Variants in MDN1 observed in about 807,000 individuals in gnomAD.
MDN1 encodes midasin AAA ATPase 1, also known as midasin.
Under a neutral mutation model 669.2 loss-of-function variants are expected in MDN1, and 266 were observed. The observed-to-expected ratio is 0.40, with a 90% CI of 0.36 to 0.44. The LOEUF is 0.44. Among genes scored for constraint, MDN1 ranks in the 20% least tolerant of loss-of-function variants. The pLI is 1.00. For missense variants in MDN1, 5,940 were observed against 6,754.0 expected (o/e 0.88, Z 4.22); for synonymous variants, 2,385 against 2,457.1 (o/e 0.97, Z 0.87).
intron 30 of MDN1, 95 bp downstream of exon 30, chr6:89,743,481 C>A: frequency 6.8e-7 from 1 of 1,469,060 alleles, no homozygotes; most frequent in Non-Finnish European, 9.2e-7. Context: ...CACATTTAAC[C>A]AAACCAGAAC....
chr6:89,668,224 C>A lies in MDN1; in HGVS notation c.13957-73G>T, dbSNP rs1289177740. The stretch of plus-strand genomic sequence containing the variant: ...TTAAAAGGAGATTTCATTCTTGCCA[C>A]AGGAAAACAATTTAAACACATACTG... On this transcript the variant is annotated intron_variant, in intron 83 of 101. Coordinates refer to ENST00000369393, the MANE Select transcript of MDN1 (RefSeq NM_014611.3). 5 of 1,568,940 alleles carry A rather than the reference C, an allele frequency of 3.2e-6. No homozygotes were observed. In the African/African-American group the frequency reaches 6.8e-5, roughly 21 times the overall value.
At chr6:89,668,201 A>G in intron 83 of MDN1, 50 bp from the exon 84 acceptor site, 8 of 1,603,412 alleles carry the variant, frequency 5.0e-6, no homozygotes, top group South Asian at 1.1e-5. Flanking sequence ...AAGCAATTTT[A>G]AAAGGAGATT....
At chr6:89,654,755 G>T (rs1192784408) in intron 92 of MDN1, among the ~76,000 whole-genome samples, 2 of 152,132 alleles carry the variant, frequency 1.3e-5, no homozygotes, top group African/African-American at 4.8e-5. Context: ...ACAAAGAAAT[G>T]ATAAATGTTT....
chr6:89,643,844 CA>C lies in MDN1; in HGVS notation c.*160del. ...TTTGGTATAAAAACCTCAGCCCAGG[CA>C]AAGCCGGGAGCCAGAGAGCATTCTG... On this transcript the variant is annotated 3_prime_UTR_variant, in exon 102 of 102. Coordinates refer to ENST00000369393, the MANE Select transcript of MDN1 (RefSeq NM_014611.3). 1 of 616,306 alleles carries C rather than the reference CA, an allele frequency of 1.6e-6. No individual in the cohort carries two copies. Among genetic ancestry groups the C allele is most frequent in the South Asian group, 3.4e-5 (1 of 29,498 alleles). 38.2% of individuals were successfully genotyped at this position (616,306 alleles called of 1,614,324 possible).
intron 2 of MDN1, among the ~76,000 whole-genome samples, chr6:89,801,858 AG>A (rs1767688816): frequency 6.6e-6 from 1 of 151,490 alleles, no homozygotes; most frequent in Non-Finnish European, 1.5e-5. Flanking sequence ...GCTACTCAGG[AG>A]GCTAAGGCAT....
At chr6:89,817,627 T>G (rs1420394211) in intron 1 of MDN1, among the ~76,000 whole-genome samples, 1 of 152,096 alleles carries the variant, frequency 6.6e-6, no homozygotes, top group African/African-American at 2.4e-5. Flanking sequence ...GCAAAGTCAA[T>G]GAGGCAAGTA....
At chr6:89,764,919 G>A (rs1817734484) in intron 15 of MDN1, among the ~76,000 whole-genome samples, 1 of 152,164 alleles carries the variant, frequency 6.6e-6, no homozygotes, top group African/African-American at 2.4e-5. Flanking sequence ...GGAAGAGAGT[G>A]AGACCAGACT....
chr6:89,753,545 A>G lies in MDN1; in HGVS notation c.3042T>C (p.Ile1014=). 6.2e-7 allele frequency: 1 copy of G among 1,613,346 alleles called. No individual in the cohort carries two copies. Among genetic ancestry groups the G allele is most frequent in the Non-Finnish European group, 8.5e-7 (1 of 1,179,292 alleles). The part of the protein sequence containing the change: ...PIVQKLICQH[I]VPGNVKSLLK... ...GCAGACTCTTGACATTGCCAGGGAC[A>G]ATGTGTTGACAGATGAGCTTCTGAA... The change falls in exon 22 of 102, where the codon ATT becomes ATC. Residue 1014 remains isoleucine, a synonymous_variant. Transcript: ENST00000369393.
intron 17 of MDN1, among the ~76,000 whole-genome samples, chr6:89,760,094 T>G (rs1465560978): frequency 1.3e-5 from 2 of 151,582 alleles, no homozygotes; most frequent in African/African-American, 4.8e-5. Context: ...TAATAATAAT[T>G]CTGATGACCA....
chr6:89,774,222 A>G (rs1166843305), intron 13 of MDN1, among the ~76,000 whole-genome samples: 1 of 152,230 alleles, frequency 6.6e-6, no homozygotes, highest in East Asian at 1.9e-4. Context: ...GAAAATATGT[A>G]AAGCACTTAG....
chr6:89,760,589 A>G lies in MDN1; in HGVS notation c.2460+1056T>C, dbSNP rs140208545. Among the ~76,000 whole-genome samples the G allele has an allele frequency of 8.0e-3, 1,220 of 152,158 alleles. 14 individuals carry two copies. The highest frequency in any genetic ancestry group is 0.014 in the Non-Finnish European group (918 of 67,986). On this transcript the variant is annotated intron_variant, in intron 17 of 101. Coordinates refer to ENST00000369393, the MANE Select transcript of MDN1 (RefSeq NM_014611.3). ...ATAGAATCAACCTATGTCTCCATCA[A>G]CAGATGAATAAAGAAAATGTTGTAT...
intron 21 of MDN1, 75 bp downstream of exon 21, chr6:89,754,008 T>C (rs1584320426): frequency 2.7e-6 from 4 of 1,476,204 alleles, no homozygotes; most frequent in East Asian, 2.4e-5. Context: ...CAACCTGGCA[T>C]ATGCATCCCT....
intron 27 of MDN1, among the ~76,000 whole-genome samples, chr6:89,746,077 T>G (rs541203229): frequency 1.1e-4 from 16 of 152,282 alleles, no homozygotes. Context: ...AAGTACATAC[T>G]GCATGGTGTC....
At chr6:89,724,560 G>A (rs1001366155) in intron 38 of MDN1, among the ~76,000 whole-genome samples, 1 of 152,222 alleles carries the variant, frequency 6.6e-6, no homozygotes, top group Non-Finnish European at 1.5e-5. Flanking sequence ...TGGGATTACA[G>A]GCATGATCCA....
At chr6:89,784,942 A>T in intron 9 of MDN1, 70 bp downstream of exon 9, 1 of 1,009,208 alleles carries the variant, frequency 9.9e-7, no homozygotes, top group Non-Finnish European at 1.5e-6. Flanking sequence ...GTGGTTTATT[A>T]TACTATTTCC....
At chr6:89,664,449 T>C in intron 85 of MDN1, 38 bp downstream of exon 85, 3 of 1,606,892 alleles carry the variant, frequency 1.9e-6, no homozygotes, top group Non-Finnish European at 2.5e-6. Context: ...ATATTTATGC[T>C]TTCAAAAACA....
intron 75 of MDN1, among the ~76,000 whole-genome samples, chr6:89,678,182 G>A (rs1304312894): frequency 6.6e-6 from 1 of 152,142 alleles, no homozygotes; most frequent in Non-Finnish European, 1.5e-5. Flanking sequence ...TGAGGCAGGA[G>A]AATCGCTTGA....
chr6:89,738,744 T>C (rs1415731923), intron 32 of MDN1, among the ~76,000 whole-genome samples: 2 of 152,162 alleles, frequency 1.3e-5, no homozygotes, highest in Non-Finnish European at 2.9e-5. Flanking sequence ...ATCTGAACTC[T>C]TCCCCTCAGG....
rs151264313 is a variant in MDN1 at position 89,771,615 on chromosome 6, C to T, written c.2090G>A (p.Arg697His). The T allele has an allele frequency of 3.8e-5, 62 of 1,613,598 alleles. No homozygotes were observed. Among genetic ancestry groups the T allele is most frequent in the African/African-American group, 1.2e-4 (9 of 74,908 alleles). ...TTGATTCATATTGACAACCCTCAAA[C>T]GGTGGCCTTTTATAAAGAAAGTGCA... is the stretch of plus-strand genomic sequence containing the variant. ...IQYLAHITGH[R>H]LRVVNMNQQS... The change falls in exon 15 of 102, where the codon CGT becomes CAT. Residue 697 changes from arginine to histidine, a missense_variant. By Grantham distance (29) the Arg-to-His change is conservative (BLOSUM62 0). This residue lies in a region of MDN1 where 1,203 missense variants were observed against 1,268.9 expected (regional missense o/e 0.95). Coordinates refer to ENST00000369393, the MANE Select transcript of MDN1 (RefSeq NM_014611.3).
Sources: gnomAD v4.1 joint callset for allele counts (sites outside exome capture counted in the v4.1 genomes callset) on GRCh38, gnomAD v4.1.1 for gene constraint, gnomAD v4.1.1 regional missense constraint, MANE v1.5 for transcripts, NCBI Gene and HGNC (gene_info 2026-07-23, HGNC 2026-07-21) for gene names.